The following BAZ1B variants were observed in gnomAD, a reference collection of about 807,000 sequenced individuals.
The protein encoded by BAZ1B is bromodomain adjacent to zinc finger domain 1B.
Under a neutral mutation model 153.8 loss-of-function variants are expected in BAZ1B, and 22 were observed. The ratio of observed to expected loss-of-function variants is 0.14; its 90% confidence interval spans 0.10 to 0.20. The LOEUF is 0.20. BAZ1B is among the 10% of genes least tolerant of loss of function. The pLI, the probability that BAZ1B is intolerant of heterozygous loss-of-function variation, is 1.00. For synonymous variants in BAZ1B, 676 were observed against 633.4 expected, an observed-to-expected ratio of 1.07 and a Z score of -1.01; for missense variants, 1,325 against 1,799.3, an observed-to-expected ratio of 0.74 and a Z score of 4.77.
chr7:73,502,350 A>G (rs1357754222), intron 3 of BAZ1B, among the ~76,000 whole-genome samples: 4 of 150,334 alleles, frequency 2.7e-5, no homozygotes, highest in African/African-American at 9.7e-5. Context: ...AATGTCCATC[A>G]TATCTACTTT....
At chr7:73,515,120 C>G (rs1223611847) in intron 1 of BAZ1B, among the ~76,000 whole-genome samples, 1 of 152,176 alleles carries the variant, frequency 6.6e-6, no homozygotes, top group African/African-American at 2.4e-5. Flanking sequence ...ACGAACTCAT[C>G]ACACCTTCTC....
At chr7:73,452,354 G>A (rs1788051117) in intron 13 of BAZ1B, among the ~76,000 whole-genome samples, 1 of 152,136 alleles carries the variant, frequency 6.6e-6, no homozygotes, top group South Asian at 2.1e-4. Flanking sequence ...TACCTGGGCT[G>A]CTTCCGTATT....
At chr7:73,453,965 G>C (rs1346988517) in intron 13 of BAZ1B, among the ~76,000 whole-genome samples, 1 of 152,100 alleles carries the variant, frequency 6.6e-6, no homozygotes, top group Non-Finnish European at 1.5e-5. Flanking sequence ...GAGTGACAGA[G>C]TGAGACCCTG....
intron 7 of BAZ1B, among the ~76,000 whole-genome samples, chr7:73,475,545 T>C (rs782499593): frequency 1.5e-4 from 23 of 152,146 alleles, no homozygotes; most frequent in South Asian, 8.3e-4. Context: ...AGAGAACAGA[T>C]TGGTGGTTGC....
At chr7:73,521,100 T>C (rs1022014616) in intron 1 of BAZ1B, among the ~76,000 whole-genome samples, 20 of 151,910 alleles carry the variant, frequency 1.3e-4, no homozygotes, top group Non-Finnish European at 2.2e-4. Context: ...CACGTCTTGG[T>C]TTTTTTGTTT....
At chr7:73,494,338 A>C (rs1789786385) in intron 4 of BAZ1B, among the ~76,000 whole-genome samples, 1 of 152,104 alleles carries the variant, frequency 6.6e-6, no homozygotes, top group Non-Finnish European at 1.5e-5. Flanking sequence ...AGCCGAGATC[A>C]TGCCACTGCA....
chr7:73,462,730 GA>G, intron 12 of BAZ1B, 191 bp downstream of exon 12: 2 of 613,612 alleles, frequency 3.3e-6, no homozygotes, highest in Admixed American at 3.1e-5. Flanking sequence ...AGTTTTTCTG[GA>G]TAGCAGCAAA....
chr7:73,501,647 C>T (rs1013040944), intron 3 of BAZ1B, among the ~76,000 whole-genome samples: 1 of 152,132 alleles, frequency 6.6e-6, no homozygotes, highest in African/African-American at 2.4e-5. Context: ...AAACCCCGTT[C>T]CTGACCATCA....
At position 73,440,664 on chromosome 7, in the gene BAZ1B, C is replaced by T. The variant is rs1202219189; in HGVS notation, c.*1045G>A. ...GCCAACTCCATGCCTATAGAAGGGACGGTAAACTACCCAGCAGCCCTGGAG... is the reference window on the plus strand; with the variant it reads ...GCCAACTCCATGCCTATAGAAGGGATGGTAAACTACCCAGCAGCCCTGGAG... On this transcript the variant is annotated 3_prime_UTR_variant, in exon 20 of 20. Coordinates refer to ENST00000339594, the MANE Select transcript of BAZ1B (RefSeq NM_032408.4). 3 of 152,164 alleles carry T rather than the reference C, an allele frequency of 2.0e-5. No homozygotes were observed. Among genetic ancestry groups the T allele is most frequent in the Non-Finnish European group, 4.4e-5 (3 of 68,020 alleles). 9.4% of individuals were successfully genotyped at this position (152,164 alleles called of 1,614,324 possible).
intron 13 of BAZ1B, among the ~76,000 whole-genome samples, chr7:73,455,477 T>C (rs1441960151): frequency 6.6e-6 from 1 of 152,078 alleles, no homozygotes; most frequent in Non-Finnish European, 1.5e-5. Flanking sequence ...TAATAAGTAA[T>C]ACAAAATTAA....
chr7:73,509,086 C>T (rs1008471905), intron 2 of BAZ1B, among the ~76,000 whole-genome samples: 169 of 151,930 alleles, frequency 1.1e-3, no homozygotes, highest in Non-Finnish European at 1.1e-3. Flanking sequence ...CTTTGGGAGG[C>T]CAAGGCGGGC....
chr7:73,522,201 C>T lies in BAZ1B; in HGVS notation c.-268G>A, dbSNP rs933020800. 1.8e-5 allele frequency: 7 copies of T among 391,934 alleles called. No individual in the cohort carries two copies. The highest frequency in any genetic ancestry group is 2.1e-5 in the African/African-American group (1 of 48,226). 24.3% of individuals were successfully genotyped at this position (391,934 alleles called of 1,614,324 possible). ...CTCCGCTTCGGGTCCCGGCGGCCGG[C>T]AGTCACGACTCCTCCTCAGCAGCAC... On this transcript the variant is annotated 5_prime_UTR_variant, in exon 1 of 20. Transcript: ENST00000339594.
chr7:73,467,868 C>T (rs1788654988), intron 9 of BAZ1B, among the ~76,000 whole-genome samples: 1 of 152,190 alleles, frequency 6.6e-6, no homozygotes, highest in East Asian at 1.9e-4. Context: ...TGCTCTCAAA[C>T]CTAACTGCCC....
chr7:73,490,544 C>T (rs1374915469), intron 5 of BAZ1B, among the ~76,000 whole-genome samples: 1 of 151,472 alleles, frequency 6.6e-6, no homozygotes, highest in African/African-American at 2.4e-5. Context: ...TATTTGTGAA[C>T]AAAATACTTA....
At chr7:73,487,784 G>C (rs1789469063) in intron 6 of BAZ1B, among the ~76,000 whole-genome samples, 1 of 152,120 alleles carries the variant, frequency 6.6e-6, no homozygotes, top group Non-Finnish European at 1.5e-5. Flanking sequence ...AAAAATTATA[G>C]TTCCATGGAA....
intron 15 of BAZ1B, among the ~76,000 whole-genome samples, chr7:73,449,190 G>A (rs1787942715): frequency 1.3e-5 from 2 of 152,172 alleles, no homozygotes; most frequent in South Asian, 2.1e-4. Flanking sequence ...GGTAAGGAAG[G>A]TAATGAGTGT....
chr7:73,477,238 C>T lies in BAZ1B; in HGVS notation c.2223G>A (p.Thr741=), dbSNP rs182094044. ...KLETSEFFEL[T]SEEKLQILTA... ...TCAAGATCTGTAGCTTCTCCTCTGA[C>T]GTCAGCTCAAAAAATTCAGAGGTCT... is the stretch of plus-strand genomic sequence containing the variant. Residue 741 remains threonine, a synonymous_variant, in exon 7 of 20, where the codon ACG becomes ACA. Transcript: ENST00000339594. The surrounding 1 kb of genome is among the most constrained non-coding windows in gnomAD (Gnocchi z 5.6). 2.6e-4 allele frequency: 419 copies of T among 1,614,216 alleles called. 2 individuals carry two copies. The Admixed American group carries it at 6.8e-3, about 26-fold the overall frequency.
At chr7:73,462,676 A>G in intron 12 of BAZ1B, 1 of 489,400 alleles carries the variant, frequency 2.0e-6, no homozygotes, top group South Asian at 2.1e-5. Context: ...CATTCACCTT[A>G]GTAGTGAAGC....
At chr7:73,509,963 C>T (rs186548445) in intron 2 of BAZ1B, among the ~76,000 whole-genome samples, 197 of 151,084 alleles carry the variant, frequency 1.3e-3, no homozygotes, top group Non-Finnish European at 2.4e-3. Context: ...CCCATCTCTA[C>T]TAAAAACACA....
Sources: allele counts gnomAD v4.1 joint callset (sites outside exome capture counted in the v4.1 genomes callset), GRCh38; gene constraint gnomAD v4.1.1; non-coding constraint Gnocchi (gnomAD v3.1); transcripts MANE v1.5; gene names NCBI Gene and HGNC (gene_info 2026-07-23, HGNC 2026-07-21).